The following RHCE variants were observed in gnomAD, a reference collection of about 807,000 sequenced individuals.
RHCE encodes blood group Rh(CE) polypeptide.
RHCE carries 22 observed loss-of-function variants against 43.8 expected under a neutral mutation model. The observed-to-expected ratio is 0.50, with a 90% confidence interval of 0.36 to 0.72. The LOEUF is 0.72. RHCE is among the 30% of genes least tolerant of loss of function. The pLI is 0.00. For missense variants in RHCE, 385 were observed against 525.4 expected (o/e 0.73, Z 2.61); for synonymous variants, 156 against 210.7 (o/e 0.74, Z 2.25).
At chr1:25,418,287 A>C (rs945383727) in intron 1 of RHCE, among the ~76,000 whole-genome samples, 2 of 151,952 alleles carry the variant, frequency 1.3e-5, no homozygotes, top group Non-Finnish European at 2.9e-5. Flanking sequence ...TTGGCCTCCC[A>C]AAGTGTTTGG....
rs529378305 is a variant in RHCE, at chr1:25,403,117, C to T, written c.336-371G>A. The stretch of plus-strand genomic sequence containing the variant: ...AGTCTTCTTTTCTGCTGCCATCATT[C>T]GGATGCTCAACAGAGGGCACTCTTC... On this transcript the variant is annotated intron_variant, in intron 2 of 9. Transcript: ENST00000294413. 3.0e-3 allele frequency among the ~76,000 whole-genome samples: 463 copies of T among 151,996 alleles called. 2 individuals are homozygous for T. The highest frequency in any genetic ancestry group is 0.011 in the African/African-American group (447 of 41,472).
At chr1:25,425,445 A>C (rs2042798463), upstream of RHCE, among the ~76,000 whole-genome samples, 2 of 152,164 alleles carry the variant, frequency 1.3e-5, no homozygotes, top group African/African-American at 4.8e-5. Flanking sequence ...GTGGGACCTA[A>C]CCCAGATCCA....
intron 2 of RHCE, among the ~76,000 whole-genome samples, chr1:25,426,782 T>G (rs1477496568): frequency 6.6e-6 from 1 of 152,112 alleles, no homozygotes; most frequent in Non-Finnish European, 1.5e-5. Flanking sequence ...TCTGGCCTGG[T>G]GTGGTGTCTC....
At position 25,377,652 on chromosome 1, in the gene RHCE, T is replaced by G. The variant is rs139245951; in HGVS notation, c.1074-2224A>C. Among the ~76,000 whole-genome samples, 3 of 152,292 alleles carry G rather than the reference T, an allele frequency of 2.0e-5. No individual in the cohort carries two copies. In the East Asian group the frequency reaches 5.8e-4, roughly 29 times the overall value. On this transcript the variant is annotated intron_variant, in intron 7 of 9. Coordinates refer to ENST00000294413, the MANE Select transcript of RHCE (RefSeq NM_020485.8). ...GGCTCACACCTGTAATCCTGGCACT[T>G]TGGGAGGCCAAGGTGGGCCAAAGTT...
chr1:25,390,840 G>T lies in RHCE; in HGVS notation c.710C>A (p.Ala237Asp), dbSNP rs540803248. ...LLRSPIQRKN[A>D]MFNTYYALAV... ...TAGAGCATAGTAGGTGTTGAACATGGCATTCTTCCTTTGGATTGGACTTCT... is the reference window on the plus strand; with the variant it reads ...TAGAGCATAGTAGGTGTTGAACATGTCATTCTTCCTTTGGATTGGACTTCT... Residue 237 changes from alanine to aspartate, a missense_variant, in exon 5 of 10, where the codon GCC becomes GAC. Ala to Asp is a moderately radical substitution (Grantham distance 126, BLOSUM62 -2). Coordinates refer to ENST00000294413, the MANE Select transcript of RHCE (RefSeq NM_020485.8). The T allele has an allele frequency of 6.2e-7, 1 of 1,614,208 alleles. No homozygotes were observed. The highest frequency in any genetic ancestry group is 1.3e-5 in the African/African-American group (1 of 75,054).
chr1:25,379,472 TA>T (rs1557604892), intron 7 of RHCE, among the ~76,000 whole-genome samples: 38 of 7,116 alleles, frequency 5.3e-3, no homozygotes, highest in African/African-American at 0.024. Context: ...TATATATATA[TA>T]TATATATATA....
intron 2 of RHCE, among the ~76,000 whole-genome samples, chr1:25,428,735 A>G (rs1051999175): frequency 2.0e-5 from 3 of 152,246 alleles, no homozygotes; most frequent in African/African-American, 7.2e-5. Context: ...CCCTACTCTG[A>G]AAAAGCAAGT....
chr1:25,399,242 T>G, intron 3 of RHCE: 3 of 781,352 alleles, frequency 3.8e-6, no homozygotes, highest in Non-Finnish European at 6.9e-6. Flanking sequence ...GTATGCCTCT[T>G]TGCCTCTGCT....
Position 25,385,726 on chromosome 1 carries a change from C to T in RHCE, c.1058G>A (p.Trp353Ter). ...AGTGACCCACATGCCATTGCCGTTC[C>T]AGACAGTATGAAGCACCAGCAGCAC... ...YIVLLVLHTV[W>*]NGNGMIGFQV... The change falls in exon 7 of 10, where the codon TGG becomes TAG. Residue 353 changes from tryptophan to a stop codon, truncating the protein, a stop_gained. Coordinates refer to ENST00000294413, the MANE Select transcript of RHCE (RefSeq NM_020485.8). LOFTEE classifies it high-confidence loss of function. 1 of 1,613,936 alleles carries T rather than the reference C, an allele frequency of 6.2e-7. No individual in the cohort carries two copies. The highest frequency in any genetic ancestry group is 1.6e-4 in the Middle Eastern group (1 of 6,062).
chr1:25,399,106 T>C (rs1259520454), intron 3 of RHCE: 2 of 1,566,434 alleles, frequency 1.3e-6, no homozygotes, highest in Non-Finnish European at 1.8e-6. Flanking sequence ...GCAGGGCTTT[T>C]GGCATTTTCA....
In RHCE at chr1:25,394,429, C is replaced by CA. The variant is rs1221950563; in HGVS notation, c.487-2289dup. Among the ~76,000 whole-genome samples, 5 of 151,804 alleles carry CA rather than the reference C, an allele frequency of 3.3e-5. No homozygotes were observed. In the South Asian group the frequency reaches 6.2e-4, roughly 19 times the overall value. ...CACTCGTTACCTTCAGGTCTGTACTCAAAAAAAATCACCCCCTTGATGAGA... is the reference window on the plus strand; with the variant it reads ...CACTCGTTACCTTCAGGTCTGTACTCAAAAAAAAATCACCCCCTTGATGAGA... On this transcript the variant is annotated intron_variant, in intron 3 of 9. Transcript: ENST00000294413.
intron 7 of RHCE, among the ~76,000 whole-genome samples, chr1:25,382,582 A>T (rs1261770859): frequency 6.6e-6 from 1 of 151,756 alleles, no homozygotes; most frequent in East Asian, 1.9e-4. Context: ...TCACCATGAT[A>T]ACAGTCTCCC....
chr1:25,416,685 C>T (rs1647487757), intron 1 of RHCE, among the ~76,000 whole-genome samples: 1 of 151,990 alleles, frequency 6.6e-6, no homozygotes, highest in South Asian at 2.1e-4. Context: ...GGTACAATCC[C>T]GTCCCACTGC....
upstream of RHCE, among the ~76,000 whole-genome samples, chr1:25,422,898 G>A (rs1459004958): frequency 6.6e-6 from 1 of 152,116 alleles, no homozygotes; most frequent in East Asian, 1.9e-4. Flanking sequence ...TTCCCAATAG[G>A]GTTTGTGCCC....
At position 25,412,715 on chromosome 1, in the gene RHCE, T is replaced by TAA. The variant is rs1165784820; in HGVS notation, c.149-3848_149-3847dup. Among the ~76,000 whole-genome samples the TAA allele has an allele frequency of 3.9e-4, 46 of 116,524 alleles. 1 individual carries two copies. Among genetic ancestry groups the TAA allele is most frequent in the South Asian group, 9.9e-4 (3 of 3,028 alleles). The allele number at this position is 116,524 out of a possible 152,430, so 76.4% of individuals were successfully genotyped here. ...AGGCGACAGAGGGAGACCCTTTTTT[T>TAA]AAAAAAAAAAAAAAAAAAAAAAAAA... On this transcript the variant is annotated intron_variant, in intron 1 of 9. Transcript: ENST00000294413.
At chr1:25,404,061 T>A (rs1646838538) in intron 2 of RHCE, among the ~76,000 whole-genome samples, 1 of 148,684 alleles carries the variant, frequency 6.7e-6, no homozygotes, top group Non-Finnish European at 1.5e-5. Flanking sequence ...CCAGCCACTC[T>A]CGAGGCTGAG....
chr1:25,374,140 T>C (rs1645710951), intron 8 of RHCE, among the ~76,000 whole-genome samples: 1 of 150,892 alleles, frequency 6.6e-6, no homozygotes, highest in Admixed American at 6.6e-5. Flanking sequence ...ATTTTCTTTT[T>C]TTTTTAGACA....
intron 3 of RHCE, among the ~76,000 whole-genome samples, chr1:25,400,915 A>C (rs1466781510): frequency 1.3e-5 from 2 of 152,142 alleles, no homozygotes; most frequent in African/African-American, 4.8e-5. Flanking sequence ...CTGCTATTAA[A>C]ATATAGTCAG....
intron 8 of RHCE, among the ~76,000 whole-genome samples, chr1:25,372,994 G>A (rs1645661205): frequency 6.8e-6 from 1 of 147,886 alleles, no homozygotes; most frequent in Non-Finnish European, 1.5e-5. Context: ...GTAGAGATGG[G>A]GTCTCACTAT....
Sources: allele counts gnomAD v4.1 joint callset (sites outside exome capture counted in the v4.1 genomes callset), GRCh38; gene constraint gnomAD v4.1.1; transcripts MANE v1.5; gene names NCBI Gene and HGNC (gene_info 2026-07-23, HGNC 2026-07-21).